Variants in KAZN observed in about 807,000 individuals in gnomAD.
The protein encoded by KAZN is kazrin, periplakin interacting protein, also known as kazrin.
Under a neutral mutation model 87.4 loss-of-function variants are expected in KAZN, and 40 were observed. The ratio of observed to expected loss-of-function variants is 0.46; its 90% CI spans 0.36 to 0.60. KAZN has a LOEUF of 0.60. KAZN is among the 20% of genes least tolerant of loss of function. The probability of loss-of-function intolerance (pLI) is 0.00; values close to 1 mark genes in which losing one functional copy is unlikely to be tolerated. For missense variants in KAZN, 898 were observed against 1,073.9 expected, an observed-to-expected ratio of 0.84 and a Z score of 2.29; for synonymous variants, 466 against 458.3, an observed-to-expected ratio of 1.02 and a Z score of -0.22.
chr1:15,059,540 G>A (rs1002488221), intron 5 of KAZN, among the ~76,000 whole-genome samples: 2 of 151,950 alleles, frequency 1.3e-5, no homozygotes, highest in Admixed American at 6.6e-5. Flanking sequence ...GAGTCAGCGC[G>A]ACCCACCGGG....
chr1:14,986,393 A>G (rs1666827891), intron 2 of KAZN, among the ~76,000 whole-genome samples: 2 of 152,194 alleles, frequency 1.3e-5, no homozygotes, highest in African/African-American at 4.8e-5. Context: ...AGCTCTGGGA[A>G]CAGATGTTAA....
intron 2 of KAZN, among the ~76,000 whole-genome samples, chr1:14,291,199 A>G (rs1653662007): frequency 6.6e-6 from 1 of 152,192 alleles, no homozygotes; most frequent in Non-Finnish European, 1.5e-5. Flanking sequence ...ATGCTGGGAG[A>G]ACCACTGCTC....
In KAZN at chr1:14,806,486, G is replaced by A. The variant is rs142346942; in HGVS notation, c.227-154198G>A. Reference sequence around the variant, plus strand: ...CCTTCTCATTTGGGCTTTCTCAGCCGGATGGCTCTCAGAGAACACCAATGA... The same window carrying A: ...CCTTCTCATTTGGGCTTTCTCAGCCAGATGGCTCTCAGAGAACACCAATGA... On this transcript the variant is annotated intron_variant, in intron 1 of 14. Coordinates refer to ENST00000376030, the MANE Select transcript of KAZN (RefSeq NM_201628.3). Among the ~76,000 whole-genome samples the A allele has an allele frequency of 1.5e-3, 221 of 152,252 alleles. 1 individual carries two copies. The highest frequency in any genetic ancestry group is 6.8e-3 in the Middle Eastern group (2 of 294).
Position 14,925,911 on chromosome 1 carries a change from G to T in KAZN, c.227-34773G>T, listed in dbSNP as rs144435201. On this transcript the variant is annotated intron_variant, in intron 1 of 14. Coordinates refer to ENST00000376030, the MANE Select transcript of KAZN (RefSeq NM_201628.3). ...AGGTAAAACAGCATCGATGCGAAAA[G>T]GAAGCAGATGGGAGAGTTTGGTCAA... Among the ~76,000 whole-genome samples, 1,289 of 152,276 alleles carry T rather than the reference G, an allele frequency of 8.5e-3. 18 individuals are homozygous for T. The highest frequency in any genetic ancestry group is 0.029 in the African/African-American group (1,192 of 41,550).
Position 15,021,966 on chromosome 1 carries a change from C to T in KAZN, c.419-12783C>T, listed in dbSNP as rs1670713763. Among the ~76,000 whole-genome samples the T allele has an allele frequency of 6.6e-6, 1 of 152,062 alleles. No homozygotes were observed. Among genetic ancestry groups the T allele is most frequent in the South Asian group, 2.1e-4 (1 of 4,816 alleles). ...TGGCAGCAAGATAGAGCATGAGAGC[C>T]AGGGGAAAACCATCAGATCTCGTGA... On this transcript the variant is annotated intron_variant, in intron 2 of 14. Coordinates refer to ENST00000376030, the MANE Select transcript of KAZN (RefSeq NM_201628.3). This position sits in a 1 kb window ranked among gnomAD's most constrained non-coding sequence, Gnocchi z 4.2.
rs34948148 is a variant in KAZN, at chr1:15,001,870, C to CTTTT, written c.419-32853_419-32850dup. Among the ~76,000 whole-genome samples, 20 of 57,764 alleles carry CTTTT rather than the reference C, an allele frequency of 3.5e-4. 1 individual carries two copies. Among genetic ancestry groups the CTTTT allele is most frequent in the African/African-American group, 1.4e-3 (15 of 10,996 alleles). The allele number at this position is 57,764 out of a possible 152,430, so 37.9% of individuals were successfully genotyped here. On this transcript the variant is annotated intron_variant, in intron 2 of 14. Coordinates refer to ENST00000376030, the MANE Select transcript of KAZN (RefSeq NM_201628.3). ...CCTCTTGGCCCCACAAAGTCAAAATCTTTTTTTTTTTTTTTTTTTTTTTTT... is the reference window on the plus strand; with the variant it reads ...CCTCTTGGCCCCACAAAGTCAAAATCTTTTTTTTTTTTTTTTTTTTTTTTTTTTT...
exon 2 of KAZN, chr1:14,180,506 G>A: frequency 2.6e-6 from 4 of 1,550,308 alleles, no homozygotes; most frequent in Non-Finnish European, 3.5e-6. Context: ...GGCACTGGAG[G>A]AGGACAAAGA....
intron 2 of KAZN, among the ~76,000 whole-genome samples, chr1:14,474,268 C>A (rs1668604704): frequency 6.6e-6 from 1 of 151,892 alleles, no homozygotes; most frequent in Admixed American, 6.6e-5. Context: ...AATAGACAAC[C>A]AAATGATATA....
intron 2 of KAZN, among the ~76,000 whole-genome samples, chr1:14,531,890 A>G (rs991788027): frequency 1.6e-4 from 25 of 152,122 alleles, no homozygotes; most frequent in African/African-American, 6.0e-4. Flanking sequence ...TGCTCACTGA[A>G]TCCCCAAAGT....
intron 1 of KAZN, among the ~76,000 whole-genome samples, chr1:14,797,670 A>T (rs975723702): frequency 6.6e-6 from 1 of 152,178 alleles, no homozygotes; most frequent in African/African-American, 2.4e-5. Flanking sequence ...TAGCTTCAAG[A>T]CAGAGTGTCG....
chr1:14,460,865 C>T (rs1667816621), intron 2 of KAZN, among the ~76,000 whole-genome samples: 1 of 152,144 alleles, frequency 6.6e-6, no homozygotes, highest in African/African-American at 2.4e-5. Context: ...CACAAAGTAT[C>T]TTCAAGATAA....
chr1:14,054,816 G>A (rs1166440498), intron 1 of KAZN, among the ~76,000 whole-genome samples: 3 of 152,222 alleles, frequency 2.0e-5, no homozygotes, highest in Non-Finnish European at 4.4e-5. Flanking sequence ...TGTATGAGAA[G>A]TGGTGTCTGC....
At chr1:14,107,171 C>T (rs144180591) in intron 1 of KAZN, among the ~76,000 whole-genome samples, 4 of 151,374 alleles carry the variant, frequency 2.6e-5, no homozygotes, top group African/African-American at 9.7e-5. Context: ...TTTTTCTCCC[C>T]ATGTTCATTC....
At chr1:14,886,666 A>C (rs1042310921) in intron 1 of KAZN, among the ~76,000 whole-genome samples, 2 of 151,936 alleles carry the variant, frequency 1.3e-5, no homozygotes, top group Admixed American at 6.6e-5. Flanking sequence ...TGGCGCATGC[A>C]TGTAATCCCA....
intron 1 of KAZN, among the ~76,000 whole-genome samples, chr1:14,846,586 G>A (rs1648796716): frequency 1.3e-5 from 2 of 152,182 alleles, no homozygotes; most frequent in Non-Finnish European, 1.5e-5. Flanking sequence ...ATTTATTTTA[G>A]TTGACTTAAT....
chr1:13,969,768 T>C (rs1359546911), intron 1 of KAZN, among the ~76,000 whole-genome samples: 2 of 152,110 alleles, frequency 1.3e-5, no homozygotes, highest in African/African-American at 4.8e-5. Flanking sequence ...AGGAAATGAC[T>C]AGGATGTGTG....
intron 1 of KAZN, among the ~76,000 whole-genome samples, chr1:14,833,756 C>T (rs936816710): frequency 1.1e-4 from 17 of 152,036 alleles, no homozygotes; most frequent in African/African-American, 3.4e-4. Context: ...TTCCTCGTCC[C>T]GGAACCCTTG....
intron 1 of KAZN, among the ~76,000 whole-genome samples, chr1:13,979,930 C>CAAAAA (rs142839854): frequency 2.0e-5 from 2 of 100,492 alleles, no homozygotes; most frequent in Non-Finnish European, 2.0e-5. Context: ...GACTCCGTCT[C>CAAAAA]AAAAAAAAAA....
intron 1 of KAZN, among the ~76,000 whole-genome samples, chr1:14,119,054 A>G (rs1245773128): frequency 1.3e-5 from 2 of 152,014 alleles, no homozygotes; most frequent in Non-Finnish European, 2.9e-5. Flanking sequence ...AAACAAAAAC[A>G]AAAAAAACCC....
Sources: gnomAD v4.1 joint callset for allele counts (sites outside exome capture counted in the v4.1 genomes callset) on GRCh38, gnomAD v4.1.1 for gene constraint, Gnocchi (gnomAD v3.1) non-coding constraint, MANE v1.5 for transcripts, NCBI Gene and HGNC (gene_info 2026-07-23, HGNC 2026-07-21) for gene names.